The following XKR9 variants were observed in gnomAD, a reference collection of about 807,000 sequenced individuals.
XKR9 encodes the protein XK-related protein 9.
In XKR9, 32 loss-of-function variants were observed where a neutral mutation model predicts 32.0. The observed-to-expected ratio is 1.00, with a 90% confidence interval of 0.76 to 1.34. The LOEUF (loss-of-function observed/expected upper bound fraction) is 1.34. XKR9 is among the 40% of genes most tolerant of loss of function. XKR9 has a pLI of 0.00. For synonymous variants in XKR9, 168 were observed against 143.4 expected, an observed-to-expected ratio of 1.17 and a Z score of -1.22; for missense variants, 546 against 429.7, an observed-to-expected ratio of 1.27 and a Z score of -2.39.
At chr8:71,045,730 C>G in the XKR9 span, among the ~76,000 whole-genome samples, 1 of 152,144 alleles carries the variant, frequency 6.6e-6, no homozygotes, top group African/African-American at 2.4e-5. Context: ...GGAGAGATCT[C>G]TGGTGGAGGG....
the XKR9 span, among the ~76,000 whole-genome samples, chr8:70,801,976 C>T: frequency 6.6e-6 from 1 of 151,084 alleles, no homozygotes; most frequent in Non-Finnish European, 1.5e-5. Context: ...GCTCTGTCGC[C>T]CAGAGACTGG....
the XKR9 span, among the ~76,000 whole-genome samples, chr8:70,927,907 C>T: frequency 6.6e-6 from 1 of 152,108 alleles, no homozygotes; most frequent in African/African-American, 2.4e-5. Flanking sequence ...ATAGGAAATG[C>T]TCTCCATTCT....
chr8:70,895,282 A>G, the XKR9 span, among the ~76,000 whole-genome samples: 72 of 152,108 alleles, frequency 4.7e-4, no homozygotes, highest in Non-Finnish European at 8.2e-4. Context: ...TTCTGTGCTT[A>G]CCAGGGTTTT....
At chr8:70,808,222 G>T in the XKR9 span, among the ~76,000 whole-genome samples, 1 of 152,118 alleles carries the variant, frequency 6.6e-6, no homozygotes, top group Admixed American at 6.5e-5. Context: ...AAACCAATGA[G>T]AAGAAAGGGA....
the XKR9 span, among the ~76,000 whole-genome samples, chr8:71,032,296 A>AAAC: frequency 6.7e-6 from 1 of 149,052 alleles, no homozygotes; most frequent in African/African-American, 2.6e-5. Context: ...AAAAAAAAAA[A>AAAC]AAAAAAAAAA....
At chr8:70,774,140 G>A (rs372449496) in intron 2 of XKR9, among the ~76,000 whole-genome samples, 2 of 152,216 alleles carry the variant, frequency 1.3e-5, no homozygotes, top group African/African-American at 2.4e-5. Context: ...ATTATTGGCA[G>A]TGTCTGTCAT....
At chr8:70,740,745 T>C (rs963956988), downstream of XKR9, among the ~76,000 whole-genome samples, 2 of 152,262 alleles carry the variant, frequency 1.3e-5, no homozygotes, top group Non-Finnish European at 2.9e-5. Context: ...AGACCCTGTT[T>C]GCCTGTGTTC....
the XKR9 span, among the ~76,000 whole-genome samples, chr8:71,005,832 T>C: frequency 6.6e-6 from 1 of 152,200 alleles, no homozygotes; most frequent in South Asian, 2.1e-4. Flanking sequence ...TATTTCCTCC[T>C]TACAGCTGCT....
At chr8:70,979,723 C>T in the XKR9 span, among the ~76,000 whole-genome samples, 2 of 152,314 alleles carry the variant, frequency 1.3e-5, no homozygotes, top group East Asian at 3.9e-4. Flanking sequence ...CAGGGACCCA[C>T]TTGAGGAGGC....
At chr8:70,730,781 A>T (rs1294858033) in intron 4 of XKR9, among the ~76,000 whole-genome samples, 2 of 152,244 alleles carry the variant, frequency 1.3e-5, no homozygotes, top group African/African-American at 2.4e-5. Context: ...AGCTTTAGCT[A>T]CTGAGCTACA....
chr8:70,688,147 T>A (rs1351098421), intron 3 of XKR9, among the ~76,000 whole-genome samples: 1 of 152,240 alleles, frequency 6.6e-6, no homozygotes, highest in Non-Finnish European at 1.5e-5. Context: ...AAAAGAGGTC[T>A]CTTCTGTGGA....
At chr8:70,737,028 G>A (rs1806875825), downstream of XKR9, among the ~76,000 whole-genome samples, 1 of 152,142 alleles carries the variant, frequency 6.6e-6, no homozygotes, top group African/African-American at 2.4e-5. Flanking sequence ...GCTTTATGGG[G>A]ATGACATTGA....
chr8:70,857,414 A>G, the XKR9 span, among the ~76,000 whole-genome samples: 1 of 152,216 alleles, frequency 6.6e-6, no homozygotes, highest in Non-Finnish European at 1.5e-5. Flanking sequence ...CCCTCCCAAG[A>G]CTAAACCAGG....
downstream of XKR9, among the ~76,000 whole-genome samples, chr8:70,738,353 TTTCTC>T (rs1806901662): frequency 6.9e-6 from 1 of 145,540 alleles, no homozygotes; most frequent in Admixed American, 6.8e-5. Context: ...ATTTGATTCT[TTTCTC>T]TTTTCTTCTT....
At chr8:70,696,037 T>C (rs1431854794) in intron 3 of XKR9, among the ~76,000 whole-genome samples, 3 of 151,828 alleles carry the variant, frequency 2.0e-5, no homozygotes, top group Non-Finnish European at 4.4e-5. Context: ...TTGTTTTTTT[T>C]TTTCTTGTAA....
chr8:70,812,862 A>G, the XKR9 span, among the ~76,000 whole-genome samples: 1 of 152,216 alleles, frequency 6.6e-6, no homozygotes, highest in African/African-American at 2.4e-5. Flanking sequence ...AAATGGCCAT[A>G]CTGCCCAAGG....
rs747092283 is a variant in XKR9, at chr8:70,680,897, G to T, written c.-162G>T. Reference sequence around the variant, plus strand: ...GTCAAAATTAGTCACTTTAGTGTTAGTGTTCCCATTTCATAATATTTATTC... The same window carrying T: ...GTCAAAATTAGTCACTTTAGTGTTATTGTTCCCATTTCATAATATTTATTC... On this transcript the variant is annotated 5_prime_UTR_variant, in exon 3 of 5. Coordinates refer to ENST00000408926, the MANE Select transcript of XKR9 (RefSeq NM_001011720.2). 5.5e-5 allele frequency: 34 copies of T among 615,028 alleles called. No individual in the cohort carries two copies. The highest frequency in any genetic ancestry group is 8.5e-5 in the Non-Finnish European group (32 of 377,612). The allele number at this position is 615,028 out of a possible 1,614,324, so 38.1% of individuals were successfully genotyped here.
chr8:71,012,719 C>A, the XKR9 span, among the ~76,000 whole-genome samples: 1 of 152,018 alleles, frequency 6.6e-6, no homozygotes, highest in Admixed American at 6.6e-5. Flanking sequence ...ATGTAAGTAC[C>A]TTTTGCCTCA....
chr8:70,969,883 G>GT, the XKR9 span, among the ~76,000 whole-genome samples: 17 of 152,220 alleles, frequency 1.1e-4, no homozygotes, highest in African/African-American at 4.1e-4. Flanking sequence ...CCAGTGTGTA[G>GT]TCTTTTATCC....
Sources: allele counts gnomAD v4.1 joint callset (sites outside exome capture counted in the v4.1 genomes callset), GRCh38; gene constraint gnomAD v4.1.1; transcripts MANE v1.5; gene names NCBI Gene and HGNC (gene_info 2026-07-23, HGNC 2026-07-21).